The following KLHL1 variants were observed in gnomAD, a reference collection of about 807,000 sequenced individuals.
KLHL1 encodes the protein kelch like family member 1.
In KLHL1, 47 loss-of-function variants were observed where a neutral mutation model predicts 77.7. That is an observed-to-expected ratio of 0.60 (90% CI 0.48 to 0.77). The LOEUF is 0.77. Among genes scored for constraint, KLHL1 ranks in the 30% least tolerant of loss-of-function variants. KLHL1 has a pLI of 0.00. For synonymous variants in KLHL1, 360 were observed against 325.2 expected (o/e 1.11, Z -1.15); for missense variants, 925 against 910.8 (o/e 1.02, Z -0.20).
chr13:70,026,905 G>A (rs756978869), intron 1 of KLHL1, among the ~76,000 whole-genome samples: 3 of 151,888 alleles, frequency 2.0e-5, no homozygotes, highest in African/African-American at 4.8e-5. Flanking sequence ...TATGCAGTTG[G>A]GCTATTTTTC....
At chr13:69,934,174 A>G (rs1211054080) in intron 4 of KLHL1, among the ~76,000 whole-genome samples, 1 of 152,182 alleles carries the variant, frequency 6.6e-6, no homozygotes, top group Non-Finnish European at 1.5e-5. Context: ...CAATAGGACA[A>G]TATTTTAAAC....
intron 1 of KLHL1, among the ~76,000 whole-genome samples, chr13:69,977,950 AT>A (rs1282295128): frequency 1.3e-5 from 2 of 152,014 alleles, no homozygotes; most frequent in Non-Finnish European, 2.9e-5. Flanking sequence ...GTTATCTGCA[AT>A]ATATATATTT....
At chr13:70,052,793 A>G (rs1005302521) in intron 1 of KLHL1, among the ~76,000 whole-genome samples, 2 of 151,996 alleles carry the variant, frequency 1.3e-5, no homozygotes, top group East Asian at 3.9e-4. Context: ...GGGGTAGGAA[A>G]CACAGCAACA....
At chr13:69,866,478 C>A (rs1160032314) in intron 5 of KLHL1, among the ~76,000 whole-genome samples, 1 of 152,084 alleles carries the variant, frequency 6.6e-6, no homozygotes, top group Admixed American at 6.6e-5. Flanking sequence ...AAACAAAAAT[C>A]ATCTAGAACA....
In KLHL1 at chr13:69,772,087, G is replaced by T. The variant is rs545101122; in HGVS notation, c.1639+24651C>A. Among the ~76,000 whole-genome samples, 43 of 152,190 alleles carry T rather than the reference G, an allele frequency of 2.8e-4. 1 individual carries two copies. The East Asian group carries it at 8.3e-3, about 29-fold the overall frequency. On this transcript the variant is annotated intron_variant, in intron 7 of 10. Transcript: ENST00000377844. The stretch of plus-strand genomic sequence containing the variant: ...CTGCCTTTGCCTCCCGAGTAGCTGG[G>T]ATTACAGGCGCCTGCCACCACGCCC...
intron 1 of KLHL1, among the ~76,000 whole-genome samples, chr13:70,010,744 T>C (rs1216672767): frequency 2.0e-5 from 3 of 151,448 alleles, no homozygotes; most frequent in Admixed American, 6.6e-5. Context: ...TATAAAAAAT[T>C]AGCTGGGTGT....
intron 7 of KLHL1, among the ~76,000 whole-genome samples, chr13:69,784,247 CCATCAAGGCTAGGAAGAAACTG>C (rs1254948702): frequency 6.6e-6 from 1 of 152,120 alleles, no homozygotes; most frequent in Non-Finnish European, 1.5e-5. Context: ...AATGTAAAGA[CCATCAAGGCTAGGAAGAAACTG>C]CATCAACTAA....
intron 1 of KLHL1, among the ~76,000 whole-genome samples, chr13:70,013,258 A>G (rs1343702992): frequency 1.3e-5 from 2 of 152,208 alleles, no homozygotes; most frequent in African/African-American, 4.8e-5. Flanking sequence ...TTAAAAAAAT[A>G]CTTTCAAAAA....
intron 5 of KLHL1, among the ~76,000 whole-genome samples, chr13:69,877,476 T>A (rs955853947): frequency 6.6e-6 from 1 of 152,084 alleles, no homozygotes; most frequent in Admixed American, 6.5e-5. Flanking sequence ...TATATATATT[T>A]TTTTTTCAGT....
chr13:70,081,112 G>A (rs1329933907), intron 1 of KLHL1, among the ~76,000 whole-genome samples: 1 of 152,156 alleles, frequency 6.6e-6, no homozygotes, highest in Non-Finnish European at 1.5e-5. Flanking sequence ...CAAGGAAGTA[G>A]GAGGATTTTA....
chr13:69,846,709 A>C (rs964886264), intron 5 of KLHL1, among the ~76,000 whole-genome samples: 3 of 151,292 alleles, frequency 2.0e-5, no homozygotes, highest in Non-Finnish European at 3.0e-5. Flanking sequence ...TTACTTGTTG[A>C]TGGTTTCATA....
chr13:69,805,136 T>C (rs1004401930), intron 6 of KLHL1, among the ~76,000 whole-genome samples: 1 of 150,198 alleles, frequency 6.7e-6, no homozygotes, highest in East Asian at 1.9e-4. Context: ...ATTTGTTATA[T>C]AAAAGTGGCT....
At chr13:70,097,458 A>C (rs1463798219) in intron 1 of KLHL1, among the ~76,000 whole-genome samples, 1 of 151,970 alleles carries the variant, frequency 6.6e-6, no homozygotes. Context: ...AACATCACCT[A>C]ATCTGAATGA....
intron 3 of KLHL1, among the ~76,000 whole-genome samples, chr13:69,955,035 A>G (rs543796401): frequency 6.6e-6 from 1 of 151,326 alleles, no homozygotes; most frequent in African/African-American, 2.4e-5. Context: ...CCAGTCTTTG[A>G]AGGCTCAGTC....
At chr13:69,787,214 C>T (rs1227009636) in intron 7 of KLHL1, among the ~76,000 whole-genome samples, 1 of 152,068 alleles carries the variant, frequency 6.6e-6, no homozygotes, top group Non-Finnish European at 1.5e-5. Context: ...CAATCCTAAG[C>T]CAAAAGAACA....
intron 5 of KLHL1, among the ~76,000 whole-genome samples, chr13:69,861,257 A>T (rs1593896381): frequency 6.6e-6 from 1 of 152,104 alleles, no homozygotes; most frequent in African/African-American, 2.4e-5. Flanking sequence ...CTGCTGAAAA[A>T]GTCTGTTTAT....
At chr13:69,703,068 G>A (rs140548008) in intron 10 of KLHL1, among the ~76,000 whole-genome samples, 159 of 151,728 alleles carry the variant, frequency 1.0e-3, no homozygotes, top group Admixed American at 1.5e-3. Flanking sequence ...TTCATGGATT[G>A]TCTCACATCA....
intron 6 of KLHL1, among the ~76,000 whole-genome samples, chr13:69,806,331 G>T (rs953921037): frequency 6.6e-6 from 1 of 152,090 alleles, no homozygotes; most frequent in African/African-American, 2.4e-5. Flanking sequence ...TACCTTCCAG[G>T]ATAATAGTCA....
At chr13:69,920,231 A>G (rs1882588550) in intron 4 of KLHL1, among the ~76,000 whole-genome samples, 1 of 152,118 alleles carries the variant, frequency 6.6e-6, no homozygotes, top group South Asian at 2.1e-4. Context: ...CCAGTTCACT[A>G]AAATACATGT....
Sources: allele counts gnomAD v4.1 joint callset (sites outside exome capture counted in the v4.1 genomes callset), GRCh38; gene constraint gnomAD v4.1.1; transcripts MANE v1.5; gene names NCBI Gene and HGNC (gene_info 2026-07-23, HGNC 2026-07-21).